Variants in INTS14 observed in about 807,000 individuals in gnomAD.
INTS14 encodes the protein integrator complex subunit 14, also known as UPF0464 protein C15orf44.
Under a neutral mutation model 56.9 loss-of-function variants are expected in INTS14, and 27 were observed. The ratio of observed to expected loss-of-function variants is 0.47; its 90% confidence interval spans 0.35 to 0.65. The LOEUF (loss-of-function observed/expected upper bound fraction) is 0.65. INTS14 is among the 30% of genes least tolerant of loss of function. The pLI is 0.00. For synonymous variants in INTS14, 207 were observed against 236.2 expected (o/e 0.88, Z 1.13); for missense variants, 517 against 632.2 (o/e 0.82, Z 1.95).
Position 65,579,639 on chromosome 15 carries a change from C to G in INTS14, c.1326G>C (p.Lys442Asn). 1 of 1,613,858 alleles carries G rather than the reference C, an allele frequency of 6.2e-7. No individual in the cohort carries two copies. The highest frequency in any genetic ancestry group is 8.5e-7 in the Non-Finnish European group (1 of 1,179,782). Residue 442 changes from lysine (K) to asparagine (N), a missense_variant, in exon 12 of 12, where the codon AAG becomes AAC. By Grantham distance (94) the Lys-to-Asn change is moderately conservative. Transcript: ENST00000313182. ...TFYKELNRLR[K>N]AALAFGFLDL... Reference sequence around the variant, plus strand: ...CCAGGAAACCAAAGGCTAGAGCGGCCTTTCGCAAACGGTTCAGCTCCTGAA... The same window carrying G: ...CCAGGAAACCAAAGGCTAGAGCGGCGTTTCGCAAACGGTTCAGCTCCTGAA...
intron 2 of INTS14, among the ~76,000 whole-genome samples, chr15:65,606,230 G>A (rs1276017196): frequency 4.1e-5 from 6 of 146,948 alleles, no homozygotes; most frequent in Non-Finnish European, 8.9e-5. Context: ...ACTCCAGCCT[G>A]GGCGACAGCG....
chr15:65,607,173 A>G lies in INTS14; in HGVS notation c.208T>C (p.Tyr70His). 6.2e-7 allele frequency: 1 copy of G among 1,614,194 alleles called. No individual in the cohort carries two copies. The highest frequency in any genetic ancestry group is 8.5e-7 in the Non-Finnish European group (1 of 1,180,028). The change falls in exon 2 of 12, where the codon TAT becomes CAT. Residue 70 changes from tyrosine to histidine, a missense_variant. By Grantham distance (83) the Tyr-to-His change is moderately conservative (BLOSUM62 2). Coordinates refer to ENST00000313182, the MANE Select transcript of INTS14 (RefSeq NM_001394796.1). Reference sequence around the variant, plus strand: ...ACATTTTGTACCTGTAGGGTATTATAATCTCTCGTGAAGGGGACCATCAAC... The same window carrying G: ...ACATTTTGTACCTGTAGGGTATTATGATCTCTCGTGAAGGGGACCATCAAC... ...WELMVPFTRD[Y>H]NTLQEALSNM...
chr15:65,580,607 G>A (rs966324206), intron 11 of INTS14, among the ~76,000 whole-genome samples: 1 of 152,228 alleles, frequency 6.6e-6, no homozygotes, highest in African/African-American at 2.4e-5. Context: ...GAAGACAACA[G>A]TGACATAAAG....
intron 8 of INTS14, among the ~76,000 whole-genome samples, chr15:65,592,249 G>A (rs1289693230): frequency 6.6e-6 from 1 of 152,200 alleles, no homozygotes; most frequent in Non-Finnish European, 1.5e-5. Context: ...CTAATATCTA[G>A]TAAGATCTGC....
intron 3 of INTS14, among the ~76,000 whole-genome samples, chr15:65,601,340 T>G (rs1210344218): frequency 6.6e-6 from 1 of 152,158 alleles, no homozygotes; most frequent in Non-Finnish European, 1.5e-5. Flanking sequence ...CAATAGGCCA[T>G]TAAGGCAGTA....
intron 2 of INTS14, 142 bp from the exon 3 acceptor site, chr15:65,605,378 A>G: frequency 1.6e-6 from 1 of 623,418 alleles, no homozygotes; most frequent in African/African-American, 1.8e-5. Flanking sequence ...TTCTTAAAGA[A>G]AAATGCTAGA....
At chr15:65,605,013 G>A (rs2073593327) in intron 3 of INTS14, 116 bp downstream of exon 3, 4 of 767,946 alleles carry the variant, frequency 5.2e-6, no homozygotes, top group Non-Finnish European at 9.0e-6. Flanking sequence ...TACCAATAGT[G>A]TAAAATGTAG....
At position 65,579,300 on chromosome 15, in the gene INTS14, C is replaced by T. The variant is rs1371402347; in HGVS notation, c.*108G>A. ...GCAAGTGGTGCTTCTGAGGCAGCCT[C>T]AGGAAGGTCTTTGGGTGGCTATTCT... On this transcript the variant is annotated 3_prime_UTR_variant, in exon 12 of 12. Transcript: ENST00000313182. 6.8e-7 allele frequency: 1 copy of T among 1,468,538 alleles called. No individual in the cohort carries two copies. Among genetic ancestry groups the T allele is most frequent in the Non-Finnish European group, 9.2e-7 (1 of 1,090,854 alleles). 91.0% of individuals were successfully genotyped at this position (1,468,538 alleles called of 1,614,324 possible).
In INTS14 at chr15:65,579,438, G is replaced by A. The variant is rs764641210; in HGVS notation, c.1527C>T (p.Asp509=). ...TTCTTTCAGTGCTGCTCCCAGAGAA[G>A]TCCGTGTGCAAAGGTGTGATGTTCT... ...YDQNITPLHT[D]FSGSSTERI Residue 509 remains aspartate, a synonymous_variant, in exon 12 of 12, where the codon GAC becomes GAT. Coordinates refer to ENST00000313182, the MANE Select transcript of INTS14 (RefSeq NM_001394796.1). The A allele has an allele frequency of 2.7e-5, 44 of 1,613,296 alleles. No individual in the cohort carries two copies. The highest frequency in any genetic ancestry group is 3.6e-5 in the Non-Finnish European group (43 of 1,179,348).
chr15:65,591,487 T>C (rs547960776), intron 9 of INTS14, 111 bp downstream of exon 9: 8 of 1,405,096 alleles, frequency 5.7e-6, no homozygotes, highest in South Asian at 2.9e-5. Flanking sequence ...TCCGAGACCA[T>C]GGCATACCAG....
chr15:65,579,418 T>A lies in INTS14; in HGVS notation c.1547A>T (p.Glu516Val). 6.2e-7 allele frequency: 1 copy of A among 1,608,070 alleles called. No homozygotes were observed. The highest frequency in any genetic ancestry group is 8.5e-7 in the Non-Finnish European group (1 of 1,175,484). Residue 516 changes from glutamate (E) to valine (V), a missense_variant, in exon 12 of 12, where the codon GAA becomes GTA. Coordinates refer to ENST00000313182, the MANE Select transcript of INTS14 (RefSeq NM_001394796.1). The stretch of plus-strand genomic sequence containing the variant: ...CTCCAAAAGTCAGTTTCAAATTCTT[T>A]CAGTGCTGCTCCCAGAGAAGTCCGT... ...LHTDFSGSSTERI is the reference protein window; with the variant it reads ...LHTDFSGSSTVRI
At position 65,591,714 on chromosome 15, in the gene INTS14, A is replaced by T. The variant is rs888636176; in HGVS notation, c.1004T>A (p.Met335Lys). ...CTTGCTGTCAGCTTGGGAGTAGAGCATTCCATGCCATTCAGGACTAGATGG... is the reference window on the plus strand; with the variant it reads ...CTTGCTGTCAGCTTGGGAGTAGAGCTTTCCATGCCATTCAGGACTAGATGG... Reference protein sequence around the residue: ...IVQLGPEWHGMLYSQADSKKK... With the variant: ...IVQLGPEWHGKLYSQADSKKK... The change falls in exon 9 of 12, where the codon ATG becomes AAG. Residue 335 changes from methionine to lysine, a missense_variant. Physicochemically the swap from Met to Lys is moderately conservative, Grantham distance 95 (BLOSUM62 -1). Coordinates refer to ENST00000313182, the MANE Select transcript of INTS14 (RefSeq NM_001394796.1). 4 of 1,614,022 alleles carry T rather than the reference A, an allele frequency of 2.5e-6. No individual in the cohort carries two copies. In the African/African-American group the frequency reaches 4.0e-5, roughly 16 times the overall value.
At chr15:65,581,547 C>CAAAAAAAAAAAAAAAA (rs57782914) in intron 11 of INTS14, among the ~76,000 whole-genome samples, 1 of 47,732 alleles carries the variant, frequency 2.1e-5, no homozygotes, top group African/African-American at 8.4e-5. Flanking sequence ...GACTCCATCT[C>CAAAAAAAAAAAAAAAA]AAAAAAAAAA....
chr15:65,601,815 T>C (rs2073444819), intron 3 of INTS14, among the ~76,000 whole-genome samples: 1 of 152,230 alleles, frequency 6.6e-6, no homozygotes, highest in South Asian at 2.1e-4. Context: ...ATACAATGAT[T>C]TACCTCCATC....
At chr15:65,599,101 A>AT (rs1596257959) in intron 4 of INTS14, 111 bp from the exon 5 acceptor site, 8 of 664,744 alleles carry the variant, frequency 1.2e-5, no homozygotes, top group East Asian at 1.1e-4. Context: ...ATAACAGATG[A>AT]TTTTTTTAAT....
intron 3 of INTS14, 83 bp downstream of exon 3, chr15:65,605,046 C>G (rs1346946721): frequency 2.1e-6 from 2 of 963,848 alleles, no homozygotes; most frequent in Non-Finnish European, 3.4e-6. Context: ...ACAATGCATG[C>G]TGTGTCAGAG....
At position 65,598,915 on chromosome 15, in the gene INTS14, T is replaced by C. The variant is rs1469159039; in HGVS notation, c.562A>G (p.Ile188Val). Residue 188 changes from isoleucine to valine, a missense_variant, in exon 5 of 12, where the codon ATT becomes GTT. Transcript: ENST00000313182. ...LNNGEGQIFTIDGPLCLKNVQ... is the reference protein window; with the variant it reads ...LNNGEGQIFTVDGPLCLKNVQ... ...TTCTTCAAGCACAGGGGGCCATCAA[T>C]AGTAAAAATCTGCCCTTCACCATTG... 1.2e-6 allele frequency: 2 copies of C among 1,613,854 alleles called. No individual in the cohort carries two copies. The highest frequency in any genetic ancestry group is 2.2e-5 in the East Asian group (1 of 44,876).
At chr15:65,610,929 G>A (rs1596281491) in intron 1 of INTS14, 169 bp downstream of exon 1, 1 of 1,464,296 alleles carries the variant, frequency 6.8e-7, no homozygotes, top group Non-Finnish European at 9.0e-7. Flanking sequence ...GCGAGGGGAG[G>A]CCGGGAGCAG....
At position 65,595,353 on chromosome 15, in the gene INTS14, T is replaced by C. The variant is rs566841857; in HGVS notation, c.841+380A>G. Reference sequence around the variant, plus strand: ...GGGCACCAGTAGAACAAAGAACAGATGTGATTCTTCCGTGTATAAAGCTGT... The same window carrying C: ...GGGCACCAGTAGAACAAAGAACAGACGTGATTCTTCCGTGTATAAAGCTGT... On this transcript the variant is annotated intron_variant, in intron 7 of 11. Transcript: ENST00000313182. Among the ~76,000 whole-genome samples, 34 of 152,340 alleles carry C rather than the reference T, an allele frequency of 2.2e-4. No homozygotes were observed. The East Asian group carries it at 3.9e-3, about 17-fold the overall frequency.
Sources: gnomAD v4.1 joint callset for allele counts (sites outside exome capture counted in the v4.1 genomes callset) on GRCh38, gnomAD v4.1.1 for gene constraint, MANE v1.5 for transcripts, NCBI Gene and HGNC (gene_info 2026-07-23, HGNC 2026-07-21) for gene names.